CLVS1: variants seen among roughly 807,000 people sequenced by gnomAD.
CLVS1 encodes the protein clavesin-1.
A neutral mutation model predicts 33.1 loss-of-function variants in CLVS1; 10 were observed. The observed-to-expected ratio is 0.30, with a 90% confidence interval of 0.19 to 0.51. The LOEUF is 0.51. Ranked by LOEUF, CLVS1 falls within the 20% of genes least tolerant of loss-of-function variation. The pLI is 0.97. For synonymous variants in CLVS1, 163 were observed against 166.1 expected, an observed-to-expected ratio of 0.98 and a Z score of 0.14; for missense variants, 343 against 433.4, an observed-to-expected ratio of 0.79 and a Z score of 1.85.
At chr8:61,359,083 A>T (rs1812864408) in intron 2 of CLVS1, among the ~76,000 whole-genome samples, 1 of 152,154 alleles carries the variant, frequency 6.6e-6, no homozygotes, top group Non-Finnish European at 1.5e-5. Context: ...AATGGTTCTA[A>T]ATTTTGCCTT....
chr8:61,033,059 GAT>G, the CLVS1 span, among the ~76,000 whole-genome samples: 11 of 59,474 alleles, frequency 1.8e-4, no homozygotes, highest in Non-Finnish European at 3.0e-4. Context: ...AAGAAAGAAA[GAT>G]AGAAAGAAAG....
At chr8:61,090,966 G>A in intron 1 of CLVS1, 1 of 504,102 alleles carries the variant, frequency 2.0e-6, no homozygotes, top group Non-Finnish European at 3.9e-6. Flanking sequence ...GGTAGACTGT[G>A]GTAGACTGAT....
At chr8:61,118,959 G>A (rs1158399952) in intron 1 of CLVS1, among the ~76,000 whole-genome samples, 1 of 152,082 alleles carries the variant, frequency 6.6e-6, no homozygotes, top group Non-Finnish European at 1.5e-5. Context: ...TCTGTCTAAT[G>A]TTGACAGTGG....
intron 2 of CLVS1, among the ~76,000 whole-genome samples, chr8:61,156,968 G>A (rs921410096): frequency 6.6e-6 from 1 of 152,114 alleles, no homozygotes; most frequent in Non-Finnish European, 1.5e-5. Flanking sequence ...AGAGATCTAC[G>A]AAGCACCTTG....
intron 3 of CLVS1, among the ~76,000 whole-genome samples, chr8:61,444,186 A>G (rs1299904917): frequency 3.9e-5 from 6 of 152,264 alleles, no homozygotes; most frequent in African/African-American, 1.2e-4. Context: ...CGAGACAGCT[A>G]TATTTTTTCC....
chr8:61,216,883 T>C (rs1392683703), intron 2 of CLVS1, among the ~76,000 whole-genome samples: 1 of 152,164 alleles, frequency 6.6e-6, no homozygotes, highest in Non-Finnish European at 1.5e-5. Flanking sequence ...TTTGAAAACA[T>C]ATCATTCAAT....
the CLVS1 span, among the ~76,000 whole-genome samples, chr8:61,026,077 C>A: frequency 7.3e-5 from 11 of 151,630 alleles, no homozygotes; most frequent in African/African-American, 2.4e-4. Flanking sequence ...TTCTAATGCC[C>A]AGTACCTCAG....
chr8:61,130,532 TGA>T (rs1806074762), intron 1 of CLVS1, among the ~76,000 whole-genome samples: 1 of 152,222 alleles, frequency 6.6e-6, no homozygotes, highest in South Asian at 2.1e-4. Flanking sequence ...GCCAACAGAA[TGA>T]ATTATAACTT....
chr8:61,346,258 T>C (rs1037179804), intron 2 of CLVS1, among the ~76,000 whole-genome samples: 1 of 152,122 alleles, frequency 6.6e-6, no homozygotes, highest in African/African-American at 2.4e-5. Context: ...AGCAAGGGCA[T>C]TAGTGTCTTA....
chr8:61,279,341 T>C (rs1244228377), intron 2 of CLVS1, among the ~76,000 whole-genome samples: 1 of 152,220 alleles, frequency 6.6e-6, no homozygotes, highest in Non-Finnish European at 1.5e-5. Context: ...ATGAAAGAAC[T>C]CTGCCCCTCT....
intron 2 of CLVS1, among the ~76,000 whole-genome samples, chr8:61,314,302 T>C (rs1424796685): frequency 6.6e-6 from 1 of 151,906 alleles, no homozygotes; most frequent in Admixed American, 6.6e-5. Flanking sequence ...CACACCACCA[T>C]GGGTAGGGTA....
chr8:61,115,467 C>G (rs1006863965), intron 1 of CLVS1, among the ~76,000 whole-genome samples: 1 of 151,918 alleles, frequency 6.6e-6, no homozygotes, highest in Non-Finnish European at 1.5e-5. Flanking sequence ...TGCTGGTGCA[C>G]TGCACCCACT....
At chr8:61,204,907 G>A (rs73253718) in intron 2 of CLVS1, among the ~76,000 whole-genome samples, 15,162 of 152,212 alleles carry the variant, frequency 0.1, 1,496 homozygotes, top group African/African-American at 0.26. Context: ...TGCCATTTGA[G>A]GATGTATGTG....
chr8:61,388,326 T>C (rs1482729959), intron 3 of CLVS1, among the ~76,000 whole-genome samples: 1 of 150,110 alleles, frequency 6.7e-6, no homozygotes, highest in Non-Finnish European at 1.5e-5. Flanking sequence ...TCATTTTTTT[T>C]TGGTTGATTC....
intron 2 of CLVS1, among the ~76,000 whole-genome samples, chr8:61,269,508 T>A (rs1453688347): frequency 2.3e-4 from 35 of 152,234 alleles, no homozygotes; most frequent in Non-Finnish European, 4.4e-4. Context: ...GGACTCTTTT[T>A]TGGTTCCATA....
the CLVS1 span, among the ~76,000 whole-genome samples, chr8:60,978,809 C>CAAAAAA: frequency 1.6e-3 from 36 of 22,438 alleles, no homozygotes; most frequent in Middle Eastern, 0.029. Flanking sequence ...GACTCCATCT[C>CAAAAAA]AAAAAAAAAA....
chr8:61,401,197 A>G (rs983751430), intron 3 of CLVS1, among the ~76,000 whole-genome samples: 4 of 151,580 alleles, frequency 2.6e-5, no homozygotes, highest in Non-Finnish European at 5.9e-5. Context: ...GATTTTATAC[A>G]TACTAGATTG....
intron 2 of CLVS1, among the ~76,000 whole-genome samples, chr8:61,260,184 A>G (rs943400483): frequency 2.0e-5 from 3 of 152,164 alleles, no homozygotes; most frequent in African/African-American, 4.8e-5. Context: ...CTTACATGCT[A>G]TACTTTGCTT....
the CLVS1 span, among the ~76,000 whole-genome samples, chr8:61,012,768 C>T: frequency 2.6e-5 from 4 of 152,268 alleles, no homozygotes; most frequent in Middle Eastern, 3.4e-3. Flanking sequence ...GTCTTCACCC[C>T]GCTCCTTTGT....
Sources: allele counts gnomAD v4.1 joint callset (sites outside exome capture counted in the v4.1 genomes callset), GRCh38; gene constraint gnomAD v4.1.1; transcripts MANE v1.5; gene names NCBI Gene and HGNC (gene_info 2026-07-23, HGNC 2026-07-21).